The following MAGI1 variants were observed in gnomAD, a reference collection of about 807,000 sequenced individuals.
MAGI1 encodes the protein membrane associated guanylate kinase, WW and PDZ domain containing 1.
Under a neutral mutation model 139.9 loss-of-function variants are expected in MAGI1, and 58 were observed. The observed-to-expected ratio is 0.41, with a 90% confidence interval of 0.34 to 0.52. The LOEUF (loss-of-function observed/expected upper bound fraction) is 0.52, where lower values mean the gene tolerates loss of function less well. MAGI1 is among the 20% of genes least tolerant of loss of function. MAGI1 has a pLI of 0.12. For missense variants in MAGI1, 1,874 were observed against 1,901.6 expected (o/e 0.99, Z 0.27); for synonymous variants, 812 against 737.9 (o/e 1.10, Z -1.63).
At chr3:65,478,309 GA>G (rs1164931157) in intron 4 of MAGI1, among the ~76,000 whole-genome samples, 3 of 151,998 alleles carry the variant, frequency 2.0e-5, no homozygotes, top group Non-Finnish European at 2.9e-5. Context: ...ATATCATTTT[GA>G]AGAGAAAGAA....
chr3:65,447,925 C>G, intron 7 of MAGI1, 97 bp downstream of exon 7: 2 of 1,376,228 alleles, frequency 1.5e-6, no homozygotes, highest in Non-Finnish European at 2.1e-6. Context: ...GGAGTGCAAA[C>G]TAAAGAAACA....
intron 2 of MAGI1, among the ~76,000 whole-genome samples, chr3:65,494,881 A>C (rs946368333): frequency 6.6e-6 from 1 of 152,152 alleles, no homozygotes; most frequent in African/African-American, 2.4e-5. Context: ...TTTTTAGTGC[A>C]CATAATTCTT....
chr3:65,396,029 C>T (rs920487287), intron 13 of MAGI1, among the ~76,000 whole-genome samples: 1 of 152,048 alleles, frequency 6.6e-6, no homozygotes, highest in Admixed American at 6.5e-5. Flanking sequence ...TCAGAAGACA[C>T]TTTGTTGCCA....
At chr3:65,574,010 G>T (rs577791562) in intron 2 of MAGI1, among the ~76,000 whole-genome samples, 386 of 151,912 alleles carry the variant, frequency 2.5e-3, no homozygotes, top group African/African-American at 8.2e-3. Flanking sequence ...GGCCTTTTAA[G>T]AAAGTTTGCT....
At chr3:65,520,232 T>G (rs746276853) in intron 2 of MAGI1, among the ~76,000 whole-genome samples, 5 of 152,162 alleles carry the variant, frequency 3.3e-5, no homozygotes, top group Non-Finnish European at 7.3e-5. Flanking sequence ...CCACTAAGTT[T>G]TGGAGTGATT....
chr3:65,892,055 AACTCATTATAGAT>A (rs2060793838), intron 1 of MAGI1, among the ~76,000 whole-genome samples: 1 of 150,668 alleles, frequency 6.6e-6, no homozygotes, highest in South Asian at 2.1e-4. Flanking sequence ...TTATACAGAA[AACTCATTATAGAT>A]ACTCATTATA....
chr3:65,517,951 A>G (rs1213357871), intron 2 of MAGI1, among the ~76,000 whole-genome samples: 1 of 152,200 alleles, frequency 6.6e-6, no homozygotes, highest in Non-Finnish European at 1.5e-5. Flanking sequence ...CAAATGATAT[A>G]CTTAATATGT....
chr3:65,357,188 T>A, intron 22 of MAGI1, 56 bp from the exon 23 acceptor site: 1 of 1,533,434 alleles, frequency 6.5e-7, no homozygotes, highest in Admixed American at 1.8e-5. Flanking sequence ...TCGGCTCCTG[T>A]CCCCGTTCCC....
intron 12 of MAGI1, among the ~76,000 whole-genome samples, chr3:65,417,684 C>T (rs547681557): frequency 6.6e-6 from 1 of 152,176 alleles, no homozygotes; most frequent in African/African-American, 2.4e-5. Context: ...TGTATGCTGT[C>T]TTTGGGTCTC....
chr3:65,934,580 A>T (rs1306786801), intron 1 of MAGI1, among the ~76,000 whole-genome samples: 1 of 152,182 alleles, frequency 6.6e-6, no homozygotes, highest in Non-Finnish European at 1.5e-5. Flanking sequence ...ATGGTGCAGT[A>T]CATTTAAGAA....
intron 1 of MAGI1, among the ~76,000 whole-genome samples, chr3:65,832,036 T>C (rs1260552329): frequency 1.3e-5 from 2 of 152,206 alleles, no homozygotes; most frequent in African/African-American, 4.8e-5. Context: ...CTTTAACGTT[T>C]TGCTGTCATC....
chr3:65,567,030 A>T (rs1576341236), intron 2 of MAGI1, among the ~76,000 whole-genome samples: 1 of 148,058 alleles, frequency 6.8e-6, no homozygotes, highest in East Asian at 2.1e-4. Context: ...GAGGGAGCTG[A>T]CTTGTAAAAA....
At chr3:65,442,427 C>T (rs1019761471) in intron 8 of MAGI1, among the ~76,000 whole-genome samples, 2 of 152,104 alleles carry the variant, frequency 1.3e-5, no homozygotes, top group African/African-American at 4.8e-5. Context: ...GAATCAGATA[C>T]TCCTTGTAAA....
chr3:65,786,974 T>C (rs1007261807), intron 1 of MAGI1, among the ~76,000 whole-genome samples: 29 of 152,140 alleles, frequency 1.9e-4, no homozygotes, highest in Non-Finnish European at 5.9e-5. Context: ...TTTGTATTCC[T>C]ACTTAATGTT....
chr3:65,979,094 C>CA (rs1203989785), intron 1 of MAGI1, among the ~76,000 whole-genome samples: 5 of 53,016 alleles, frequency 9.4e-5, no homozygotes, highest in Non-Finnish European at 1.3e-4. Flanking sequence ...TTCTTCCCCC[C>CA]CCCCGCCACC....
intron 1 of MAGI1, among the ~76,000 whole-genome samples, chr3:65,987,986 T>C (rs938991885): frequency 1.3e-5 from 2 of 152,250 alleles, no homozygotes; most frequent in African/African-American, 4.8e-5. Flanking sequence ...CCTAGTGTTA[T>C]AAGGACAAAA....
chr3:66,027,262 T>G (rs371867368), intron 1 of MAGI1, among the ~76,000 whole-genome samples: 1 of 133,380 alleles, frequency 7.5e-6, no homozygotes, highest in Admixed American at 7.5e-5. Flanking sequence ...TGAGACTCCG[T>G]CTCAAATAAA....
chr3:65,618,207 T>C (rs1023587057), intron 2 of MAGI1, among the ~76,000 whole-genome samples: 1 of 151,654 alleles, frequency 6.6e-6, no homozygotes, highest in Non-Finnish European at 1.5e-5. Context: ...AAGCGCAGAG[T>C]GGGAGGGGTT....
Position 65,497,889 on chromosome 3 carries a change from T to C in MAGI1, c.431-4258A>G, listed in dbSNP as rs1231993236. 2.6e-5 allele frequency among the ~76,000 whole-genome samples: 4 copies of C among 152,074 alleles called. No homozygotes were observed. In the East Asian group the frequency reaches 7.8e-4, roughly 29 times the overall value. ...GCCTTAGAGCAGCATGGGAAGGGAG[T>C]GGGAAGGCGGGCAAGTCTCCACCCA... is the stretch of plus-strand genomic sequence containing the variant. On this transcript the variant is annotated intron_variant, in intron 2 of 22. Transcript: ENST00000402939.
Sources: allele counts gnomAD v4.1 joint callset (sites outside exome capture counted in the v4.1 genomes callset), GRCh38; gene constraint gnomAD v4.1.1; transcripts MANE v1.5; gene names NCBI Gene and HGNC (gene_info 2026-07-23, HGNC 2026-07-21).